The following DAAM2 variants were observed in gnomAD, a reference collection of about 807,000 sequenced individuals.
The protein encoded by DAAM2 is disheveled-associated activator of morphogenesis 2.
DAAM2 carries 39 observed loss-of-function variants against 120.7 expected under a neutral mutation model. The observed-to-expected ratio is 0.32, with a 90% CI of 0.25 to 0.42. DAAM2 has a LOEUF of 0.42. Among genes scored for constraint, DAAM2 ranks in the 10% least tolerant of loss-of-function variants. The pLI is 1.00. For synonymous variants in DAAM2, 488 were observed against 524.9 expected (o/e 0.93, Z 0.96); for missense variants, 1,283 against 1,401.7 (o/e 0.92, Z 1.35).
At chr6:39,870,242 G>T in intron 7 of DAAM2, 98 bp from the exon 8 acceptor site, 2 of 723,606 alleles carry the variant, frequency 2.8e-6, no homozygotes, top group Non-Finnish European at 4.9e-6. Context: ...TGGGAGATGT[G>T]TTGGGTCTGT....
chr6:39,796,728 A>G (rs772884006), intron 1 of DAAM2, among the ~76,000 whole-genome samples: 29 of 151,540 alleles, frequency 1.9e-4, no homozygotes, highest in Non-Finnish European at 3.4e-4. Context: ...GGTACATCCT[A>G]TGGTTCCAAG....
chr6:39,851,168 T>A (rs1463089481), intron 1 of DAAM2, among the ~76,000 whole-genome samples: 1 of 152,210 alleles, frequency 6.6e-6, no homozygotes, highest in Non-Finnish European at 1.5e-5. Flanking sequence ...GAATTATTAA[T>A]ATGAATCTGT....
At chr6:39,870,513 C>T (rs1009586946) in intron 8 of DAAM2, 70 bp downstream of exon 8, 2 of 1,000,220 alleles carry the variant, frequency 2.0e-6, no homozygotes, top group African/African-American at 3.2e-5. Context: ...TAGTTGGGAC[C>T]TTTGTGAAGG....
intron 3 of DAAM2, among the ~76,000 whole-genome samples, chr6:39,863,802 C>T (rs1764311267): frequency 6.6e-6 from 1 of 152,194 alleles, no homozygotes; most frequent in Admixed American, 6.5e-5. Context: ...TGCCTCCCCG[C>T]TGCACATCCC....
Position 39,879,268 on chromosome 6 carries a change from C to A in DAAM2, c.1636C>A (p.Pro546Thr). The A allele has an allele frequency of 1.3e-6, 2 of 1,528,562 alleles. No homozygotes were observed. The highest frequency in any genetic ancestry group is 1.2e-5 in the South Asian group (1 of 81,688). 94.7% of individuals were successfully genotyped at this position (1,528,562 alleles called of 1,614,324 possible). The change falls in exon 14 of 25, where the codon CCT becomes ACT. Residue 546 changes from proline (P) to threonine (T), a missense_variant. Coordinates refer to ENST00000274867, the MANE Select transcript of DAAM2 (RefSeq NM_001201427.2). The part of the protein sequence containing the change: ...TTNDLPPPPP[P>T]LPFACCPPPP... ...CAATGACCTGCCTCCACCCCCTCCT[C>A]CTCTGCCCTTTGCCTGTTGTCCCCC...
At chr6:39,792,996 T>A (rs1761591835) in intron 1 of DAAM2, 1 of 152,338 alleles carries the variant, frequency 6.6e-6, no homozygotes, top group South Asian at 2.1e-4. Context: ...AGTGGGACCC[T>A]GGGCGGGGGA....
At position 39,867,990 on chromosome 6, in the gene DAAM2, T is replaced by C. The variant is rs1007537562; in HGVS notation, c.762+147T>C. ...ATGCCTGCTCCTGGAAGGTAACAGG[T>C]GAAGAGTACTGGGACCTGGAAGGCT... is the stretch of plus-strand genomic sequence containing the variant. On this transcript the variant is annotated intron_variant, in intron 6 of 24. Coordinates refer to ENST00000274867, the MANE Select transcript of DAAM2 (RefSeq NM_001201427.2). 7 of 702,258 alleles carry C rather than the reference T, an allele frequency of 1.0e-5. No individual in the cohort carries two copies. In the African/African-American group the frequency reaches 1.2e-4, roughly 13 times the overall value. The allele number at this position is 702,258 out of a possible 1,614,324, so 43.5% of individuals were successfully genotyped here. A position where few individuals can be genotyped will look rare whatever the true frequency, so the allele number is the denominator to read the frequency against.
Position 39,892,902 on chromosome 6 carries a change from G to A in DAAM2, c.2341+1180G>A, listed in dbSNP as rs145056030. 3.9e-5 allele frequency among the ~76,000 whole-genome samples: 6 copies of A among 152,312 alleles called. No individual in the cohort carries two copies. The East Asian group carries it at 1.2e-3, about 29-fold the overall frequency. On this transcript the variant is annotated intron_variant, in intron 19 of 24. Transcript: ENST00000274867. ...CACACACACAGCAAGGGACCTGCAG[G>A]TGGTAAGCATAGATAATCAATCAAG... is the stretch of plus-strand genomic sequence containing the variant.
At chr6:39,863,733 G>T (rs1249319597) in intron 3 of DAAM2, among the ~76,000 whole-genome samples, 1 of 152,178 alleles carries the variant, frequency 6.6e-6, no homozygotes. Flanking sequence ...ACTTGGGGAA[G>T]AGTCGAGCCT....
At chr6:39,876,722 T>TGA (rs1277549411) in intron 11 of DAAM2, among the ~76,000 whole-genome samples, 1 of 106,890 alleles carries the variant, frequency 9.4e-6, no homozygotes, top group African/African-American at 3.5e-5. Flanking sequence ...TGTGTGTGTG[T>TGA]GTGTGTGCGT....
At position 39,898,863 on chromosome 6, in the gene DAAM2, G is replaced by C; in HGVS notation, c.2619-14G>C. ...TGATGGTCCTCATTCCCTTCCCTCT[G>C]TGTCTCCTTACAGCCTAGCAGAACT... On this transcript the variant is annotated splice_polypyrimidine_tract_variant and intron_variant, in intron 21 of 24. Transcript: ENST00000274867. 1 of 1,609,516 alleles carries C rather than the reference G, an allele frequency of 6.2e-7. No individual in the cohort carries two copies. Among genetic ancestry groups the C allele is most frequent in the Non-Finnish European group, 8.5e-7 (1 of 1,177,208 alleles).
At position 39,867,583 on chromosome 6, in the gene DAAM2, A is replaced by G. The variant is rs1214446748; in HGVS notation, c.502A>G (p.Thr168Ala). Reference sequence around the variant, plus strand: ...TTTCCTCCGGAGCATGGACCACGCCACCTGTGAGAGCCGCATCCACACCTC... The same window carrying G: ...TTTCCTCCGGAGCATGGACCACGCCGCCTGTGAGAGCCGCATCCACACCTC... ...LNFLRSMDHA[T>A]CESRIHTSLI... Residue 168 changes from threonine to alanine, a missense_variant, in exon 6 of 25, where the codon ACC becomes GCC. This residue lies in a region of DAAM2 where 338 missense variants were observed against 443.9 expected (regional missense o/e 0.76). Transcript: ENST00000274867. The G allele has an allele frequency of 1.9e-6, 3 of 1,614,010 alleles. No homozygotes were observed. Among genetic ancestry groups the G allele is most frequent in the Admixed American group, 1.7e-5 (1 of 60,022 alleles).
chr6:39,826,091 G>C (rs2114161468), intron 1 of DAAM2, among the ~76,000 whole-genome samples: 1 of 152,294 alleles, frequency 6.6e-6, no homozygotes, highest in Middle Eastern at 3.4e-3. Flanking sequence ...TCTTGGTCCA[G>C]CTTCTGCCTG....
intron 14 of DAAM2, chr6:39,883,713 T>G: frequency 1.2e-5 from 5 of 428,910 alleles, no homozygotes; most frequent in East Asian, 3.8e-5. Flanking sequence ...CCCCATGATT[T>G]CTAGAACATG....
In DAAM2 at chr6:39,879,289, C is replaced by A; in HGVS notation, c.1657C>A (p.Pro553Thr). ...TCCTCCTCTGCCCTTTGCCTGTTGT[C>A]CCCCTCCCCCACCACCACCCCTTCC... ...PPPPLPFACC[P>T]PPPPPPLPPG... Residue 553 changes from proline (P) to threonine (T), a missense_variant, in exon 14 of 25, where the codon CCC (proline) becomes ACC (threonine). Pro to Thr is a conservative substitution (Grantham distance 38). Around this residue, in one of 3 missense-constraint regions of DAAM2, gnomAD observed 748 missense variants for 768.6 expected, o/e 0.97. Transcript: ENST00000274867. 1.6e-6 allele frequency: 2 copies of A among 1,279,234 alleles called. No homozygotes were observed. The highest frequency in any genetic ancestry group is 2.2e-6 in the Non-Finnish European group (2 of 920,056). 79.2% of individuals were successfully genotyped at this position (1,279,234 alleles called of 1,614,324 possible). A position where few individuals can be genotyped will look rare whatever the true frequency, so the allele number is the denominator to read the frequency against.
chr6:39,803,005 G>C (rs1035536014), intron 1 of DAAM2, among the ~76,000 whole-genome samples: 10 of 152,140 alleles, frequency 6.6e-5, no homozygotes, highest in Admixed American at 5.9e-4. Flanking sequence ...TCAGCATTTT[G>C]TTGTTGTGTA....
At chr6:39,891,515 G>T in intron 18 of DAAM2, 68 bp downstream of exon 18, 1 of 1,521,002 alleles carries the variant, frequency 6.6e-7, no homozygotes. Context: ...GTGGGGCTCT[G>T]CCAAGAGGAA....
In DAAM2 at chr6:39,832,881, C is replaced by A. The variant is rs149879536; in HGVS notation, c.-56-23366C>A. Among the ~76,000 whole-genome samples the A allele has an allele frequency of 6.0e-3, 909 of 152,286 alleles. 9 individuals carry two copies. The highest frequency in any genetic ancestry group is 0.031 in the Middle Eastern group (9 of 294). The stretch of plus-strand genomic sequence containing the variant: ...CTGAGGGTAGACTTGGCACCCACTG[C>A]TGAAGCTTAGGTCTTCCTCAGGCTC... On this transcript the variant is annotated intron_variant, in intron 1 of 24. Transcript: ENST00000274867.
chr6:39,842,738 CT>C (rs1336540447), intron 1 of DAAM2, among the ~76,000 whole-genome samples: 1 of 151,530 alleles, frequency 6.6e-6, no homozygotes, highest in East Asian at 1.9e-4. Context: ...ACAAAAAGTG[CT>C]TTGAGTTTAT....
Sources: gnomAD v4.1 joint callset for allele counts (sites outside exome capture counted in the v4.1 genomes callset) on GRCh38, gnomAD v4.1.1 for gene constraint, gnomAD v4.1.1 regional missense constraint, MANE v1.5 for transcripts, NCBI Gene and HGNC (gene_info 2026-07-23, HGNC 2026-07-21) for gene names.